CDKN2B-AS1: variants seen among roughly 807,000 people sequenced by gnomAD.
The protein encoded by CDKN2B-AS1 is CDKN2B antisense RNA 1 (non-protein coding).
intron 1 of CDKN2B-AS1, among the ~76,000 whole-genome samples, chr9:22,033,492 G>C (rs745444883): frequency 6.6e-6 from 1 of 152,092 alleles, no homozygotes; most frequent in Admixed American, 6.6e-5. Flanking sequence ...TGGCAAGTCA[G>C]ATGGCAGACT....
At chr9:22,090,883 A>G (rs1012514462) in intron 4 of CDKN2B-AS1, among the ~76,000 whole-genome samples, 6 of 152,096 alleles carry the variant, frequency 3.9e-5, no homozygotes, top group African/African-American at 1.2e-4. Flanking sequence ...TTGGTGTTTT[A>G]GACATGAAGT....
intron 1 of CDKN2B-AS1, chr9:22,012,101 C>T (rs1188369592): frequency 1.3e-6 from 1 of 765,062 alleles, no homozygotes; most frequent in Non-Finnish European, 2.3e-6. Flanking sequence ...GAAGTATGAA[C>T]AGATCTGCCA....
At chr9:22,062,998 TAGAG>T (rs769270060) in intron 4 of CDKN2B-AS1, among the ~76,000 whole-genome samples, 10,893 of 148,360 alleles carry the variant, frequency 0.073, 1,320 homozygotes, top group African/African-American at 0.25. Context: ...TATATATATA[TAGAG>T]AGAGAGAGAG....
intron 4 of CDKN2B-AS1, among the ~76,000 whole-genome samples, chr9:22,091,140 T>C (rs1340595009): frequency 2.6e-5 from 4 of 152,218 alleles, no homozygotes; most frequent in Non-Finnish European, 4.4e-5. Flanking sequence ...TTGTTGTAGA[T>C]ATGTGGCATT....
At position 22,006,079 on chromosome 9, in the gene CDKN2B-AS1, G is replaced by C. The variant is rs978391908; in HGVS notation, n.29+10918G>C. 25 of 1,606,984 alleles carry C rather than the reference G, an allele frequency of 1.6e-5. No homozygotes were observed. Among genetic ancestry groups the C allele is most frequent in the Non-Finnish European group, 2.1e-5 (25 of 1,179,676 alleles). Reference sequence around the variant, plus strand: ...ACGGGCAGACGACCCCAGGCATCGCGCACGTCCAGCCGCGCCCCGGCCCGG... The same window carrying C: ...ACGGGCAGACGACCCCAGGCATCGCCCACGTCCAGCCGCGCCCCGGCCCGG... On this transcript the variant is annotated intron_variant and non_coding_transcript_variant, in intron 1 of 4. Coordinates refer to ENST00000650946, the Ensembl canonical transcript of CDKN2B-AS1. This position sits in a 1 kb window ranked among gnomAD's most constrained non-coding sequence, Gnocchi z 6.4.
chr9:22,096,848 A>G (rs1042309463), intron 4 of CDKN2B-AS1, among the ~76,000 whole-genome samples: 5 of 152,124 alleles, frequency 3.3e-5, no homozygotes, highest in Non-Finnish European at 7.3e-5. Flanking sequence ...TCAATCTATT[A>G]GACTCAGGCA....
At chr9:22,012,939 A>T (rs771768333) in intron 1 of CDKN2B-AS1, among the ~76,000 whole-genome samples, 1 of 152,202 alleles carries the variant, frequency 6.6e-6, no homozygotes, top group Non-Finnish European at 1.5e-5. Flanking sequence ...TAGTATCCGT[A>T]TTAGTTTGCT....
At chr9:22,046,305 T>C (rs1823107467) in intron 1 of CDKN2B-AS1, 1 of 152,118 alleles carries the variant, frequency 6.6e-6, no homozygotes, top group Non-Finnish European at 1.5e-5. Flanking sequence ...TCATAATAAA[T>C]CACTATTTCA....
intron 1 of CDKN2B-AS1, among the ~76,000 whole-genome samples, chr9:22,045,915 T>C (rs1823089793): frequency 1.3e-5 from 2 of 152,130 alleles, no homozygotes; most frequent in Admixed American, 1.3e-4. Context: ...AATAATACAA[T>C]ACTATACTAC....
At chr9:22,015,794 G>T (rs1376512081) in intron 1 of CDKN2B-AS1, among the ~76,000 whole-genome samples, 1 of 152,166 alleles carries the variant, frequency 6.6e-6, no homozygotes, top group African/African-American at 2.4e-5. Context: ...ATTCTAACTG[G>T]TGTGAGATGG....
chr9:22,115,525 GAT>G (rs1470548276), intron 4 of CDKN2B-AS1, among the ~76,000 whole-genome samples: 1 of 152,188 alleles, frequency 6.6e-6, no homozygotes, highest in Non-Finnish European at 1.5e-5. Flanking sequence ...AATGTGGAAA[GAT>G]AGACACTTTA....
intron 4 of CDKN2B-AS1, among the ~76,000 whole-genome samples, chr9:22,125,963 C>G (rs1018841740): frequency 6.6e-6 from 1 of 152,092 alleles, no homozygotes; most frequent in African/African-American, 2.4e-5. Context: ...ATACTATAGC[C>G]AAAGAAAATT....
Position 21,997,222 on chromosome 9 carries a change from A to G in CDKN2B-AS1, n.29+2061A>G, listed in dbSNP as rs1273494737. 6.6e-6 allele frequency among the ~76,000 whole-genome samples: 1 copy of G among 152,246 alleles called. No individual in the cohort carries two copies. Among genetic ancestry groups the G allele is most frequent in the Non-Finnish European group, 1.5e-5 (1 of 68,044 alleles). On this transcript the variant is annotated intron_variant and non_coding_transcript_variant, in intron 1 of 4. Coordinates refer to ENST00000650946, the Ensembl canonical transcript of CDKN2B-AS1. The surrounding 1 kb of genome is among the most constrained non-coding windows in gnomAD (Gnocchi z 4.8). ...ACTGAATACTGTAGATAATTGTAACAAAATGTAGTTTTATATCTAAACACA... is the reference window on the plus strand; with the variant it reads ...ACTGAATACTGTAGATAATTGTAACGAAATGTAGTTTTATATCTAAACACA...
At chr9:22,110,409 T>C (rs564521590) in intron 4 of CDKN2B-AS1, among the ~76,000 whole-genome samples, 4 of 152,316 alleles carry the variant, frequency 2.6e-5, no homozygotes, top group South Asian at 2.1e-4. Context: ...GGATTTAACA[T>C]AGATTCCCAG....
intron 4 of CDKN2B-AS1, among the ~76,000 whole-genome samples, chr9:22,059,606 G>A (rs1335456672): frequency 6.6e-6 from 1 of 152,182 alleles, no homozygotes; most frequent in East Asian, 1.9e-4. Flanking sequence ...TACCACTCTG[G>A]GGTCTGAAGG....
At chr9:22,027,763 G>A (rs1822301895) in intron 1 of CDKN2B-AS1, among the ~76,000 whole-genome samples, 1 of 152,078 alleles carries the variant, frequency 6.6e-6, no homozygotes, top group African/African-American at 2.4e-5. Flanking sequence ...CATTCCAGGA[G>A]GGATAGCAAT....
intron 1 of CDKN2B-AS1, among the ~76,000 whole-genome samples, chr9:22,009,771 G>A (rs1283527673): frequency 6.6e-6 from 1 of 152,160 alleles, no homozygotes; most frequent in East Asian, 1.9e-4. Flanking sequence ...GGCAGTACTT[G>A]GGCTTCACAA....
chr9:22,067,094 T>C (rs1449706627), intron 4 of CDKN2B-AS1, among the ~76,000 whole-genome samples: 1 of 152,074 alleles, frequency 6.6e-6, no homozygotes, highest in African/African-American at 2.4e-5. Flanking sequence ...GGGATAGCAT[T>C]AGGAGAAATA....
intron 1 of CDKN2B-AS1, among the ~76,000 whole-genome samples, chr9:22,045,827 A>C (rs773820089): frequency 6.6e-6 from 1 of 152,158 alleles, no homozygotes; most frequent in Non-Finnish European, 1.5e-5. Context: ...TAAATTGTTC[A>C]AGATTGTGGT....
Sources: gnomAD v4.1 joint callset for allele counts (sites outside exome capture counted in the v4.1 genomes callset) on GRCh38, gnomAD v4.1.1 for gene constraint, Gnocchi (gnomAD v3.1) non-coding constraint, MANE v1.5 for transcripts, NCBI Gene and HGNC (gene_info 2026-07-23, HGNC 2026-07-21) for gene names.